The following WWC2 variants were observed in gnomAD, a reference collection of about 807,000 sequenced individuals.
The protein encoded by WWC2 is protein WWC2.
In WWC2, 101 loss-of-function variants were observed where a neutral mutation model predicts 138.5. The ratio of observed to expected loss-of-function variants is 0.73; its 90% CI spans 0.62 to 0.86. WWC2 has a LOEUF of 0.86. Among genes scored for constraint, WWC2 ranks in the 40% least tolerant of loss-of-function variants. The probability of loss-of-function intolerance (pLI) is 0.00; values close to 1 mark genes in which losing one functional copy is unlikely to be tolerated. For synonymous variants in WWC2, 558 were observed against 538.4 expected (o/e 1.04, Z -0.50); for missense variants, 1,420 against 1,419.4 (o/e 1.00, Z -0.01).
chr4:183,134,966 C>G (rs1437807426), intron 1 of WWC2, among the ~76,000 whole-genome samples: 2 of 151,138 alleles, frequency 1.3e-5, no homozygotes, highest in African/African-American at 4.9e-5. Flanking sequence ...GAGTCTTGCT[C>G]TGTTGCCCAG....
At chr4:183,194,156 C>T (rs1449939861) in intron 2 of WWC2, among the ~76,000 whole-genome samples, 6 of 152,136 alleles carry the variant, frequency 3.9e-5, no homozygotes, top group East Asian at 1.9e-4. Flanking sequence ...GAAGACATAG[C>T]GTAGCTGGGA....
intron 1 of WWC2, among the ~76,000 whole-genome samples, chr4:183,155,401 A>G (rs899658975): frequency 1.3e-5 from 2 of 152,128 alleles, no homozygotes; most frequent in African/African-American, 2.4e-5. Flanking sequence ...GAGGCCTTGG[A>G]TATTGAGAGT....
intron 1 of WWC2, among the ~76,000 whole-genome samples, chr4:183,180,906 G>A (rs370024224): frequency 5.5e-4 from 84 of 152,118 alleles, no homozygotes; most frequent in African/African-American, 1.9e-3. Flanking sequence ...TAAGAAAAAG[G>A]TATGGCACGA....
intron 4 of WWC2, among the ~76,000 whole-genome samples, chr4:183,214,428 G>T (rs1381365506): frequency 2.0e-5 from 3 of 152,128 alleles, no homozygotes; most frequent in Admixed American, 1.3e-4. Context: ...GTAATAATGT[G>T]CACATCAAAA....
intron 9 of WWC2, among the ~76,000 whole-genome samples, chr4:183,254,823 AG>A (rs1484633975): frequency 6.6e-6 from 1 of 152,230 alleles, no homozygotes; most frequent in Non-Finnish European, 1.5e-5. Flanking sequence ...TATAATTTCA[AG>A]TGACCTGGAA....
At chr4:183,249,180 G>T (rs1230246174) in intron 7 of WWC2, among the ~76,000 whole-genome samples, 3 of 152,028 alleles carry the variant, frequency 2.0e-5, no homozygotes, top group African/African-American at 7.2e-5. Context: ...GGAAATGTAG[G>T]TCCTTTCAAA....
rs949063290 is a variant in WWC2, at chr4:183,227,547, T to TA, written c.523-12629dup. On this transcript the variant is annotated intron_variant, in intron 4 of 22. Coordinates refer to ENST00000403733, the MANE Select transcript of WWC2 (RefSeq NM_024949.6). ...CCATGTTTAACATGTTTTTAAGAAA[T>TA]AAAAAAAGAGATTGGAAATATAAGT... Among the ~76,000 whole-genome samples, 4 of 151,572 alleles carry TA rather than the reference T, an allele frequency of 2.6e-5. No individual in the cohort carries two copies. The East Asian group carries it at 7.8e-4, about 29-fold the overall frequency.
chr4:183,099,367 T>TGCGCCCC lies in WWC2; in HGVS notation c.-124_-118dup, dbSNP rs1743079504. 1 of 1,024,526 alleles carries TGCGCCCC rather than the reference T, an allele frequency of 9.8e-7. No individual in the cohort carries two copies. 63.5% of individuals were successfully genotyped at this position (1,024,526 alleles called of 1,614,324 possible). A position where few individuals can be genotyped will look rare whatever the true frequency, so the allele number is the denominator to read the frequency against. On this transcript the variant is annotated 5_prime_UTR_variant, in exon 1 of 23. Coordinates refer to ENST00000403733, the MANE Select transcript of WWC2 (RefSeq NM_024949.6). ...CGTGGTTCCGCCGCGCCCCGCGCCCTGCGCCCCTCAGCCCCTCGCCGGCGC... is the reference window on the plus strand; with the variant it reads ...CGTGGTTCCGCCGCGCCCCGCGCCCTGCGCCCCGCGCCCCTCAGCCCCTCGCCGGCGC...
chr4:183,299,020 C>A (rs1026557688), intron 21 of WWC2, among the ~76,000 whole-genome samples: 1 of 152,122 alleles, frequency 6.6e-6, no homozygotes, highest in Non-Finnish European at 1.5e-5. Context: ...TTTTGTGCTG[C>A]TATAACAAAA....
chr4:183,258,217 T>C (rs1737211513), intron 9 of WWC2, among the ~76,000 whole-genome samples: 1 of 152,258 alleles, frequency 6.6e-6, no homozygotes, highest in Non-Finnish European at 1.5e-5. Context: ...TTGTGCACTT[T>C]TAATTCAGTT....
intron 1 of WWC2, among the ~76,000 whole-genome samples, chr4:183,116,375 TTTG>T (rs1412474882): frequency 6.6e-6 from 1 of 152,244 alleles, no homozygotes; most frequent in Non-Finnish European, 1.5e-5. Flanking sequence ...AATGCTCAGC[TTTG>T]TGCAAGCTCT....
At chr4:183,293,032 T>G (rs1738512266) in intron 21 of WWC2, among the ~76,000 whole-genome samples, 2 of 152,234 alleles carry the variant, frequency 1.3e-5, no homozygotes, top group Admixed American at 1.3e-4. Flanking sequence ...CTCGGCTCAC[T>G]GCAGCCTCTG....
At chr4:183,118,631 A>G (rs1732500754) in intron 1 of WWC2, among the ~76,000 whole-genome samples, 1 of 152,252 alleles carries the variant, frequency 6.6e-6, no homozygotes, top group African/African-American at 2.4e-5. Context: ...TTAAAAAGTC[A>G]TCATTTAGCA....
At chr4:183,304,049 T>G (rs1738948158) in intron 21 of WWC2, among the ~76,000 whole-genome samples, 1 of 152,148 alleles carries the variant, frequency 6.6e-6, no homozygotes, top group South Asian at 2.1e-4. Flanking sequence ...AGCTACAGGC[T>G]TCTGGTTTCT....
intron 16 of WWC2, among the ~76,000 whole-genome samples, chr4:183,272,248 G>T (rs1737715729): frequency 6.6e-6 from 1 of 152,146 alleles, no homozygotes; most frequent in Non-Finnish European, 1.5e-5. Flanking sequence ...CACTGTAGTG[G>T]GTGGTGAAAG....
In WWC2 at chr4:183,232,350, G is replaced by T. The variant is rs535056438; in HGVS notation, c.523-7833G>T. Among the ~76,000 whole-genome samples the T allele has an allele frequency of 1.6e-3, 236 of 151,990 alleles. 1 individual carries two copies. The highest frequency in any genetic ancestry group is 2.7e-3 in the Non-Finnish European group (184 of 67,964). On this transcript the variant is annotated intron_variant, in intron 4 of 22. Coordinates refer to ENST00000403733, the MANE Select transcript of WWC2 (RefSeq NM_024949.6). ...CATTCATAGTTACATGCCCATTATT[G>T]CAATCTAACTGTAGGACATTTTTGC...
chr4:183,184,759 T>C (rs1257293638), intron 1 of WWC2, among the ~76,000 whole-genome samples: 2 of 152,174 alleles, frequency 1.3e-5, no homozygotes, highest in Admixed American at 1.3e-4. Flanking sequence ...TGTTACTATT[T>C]TTATATAAGT....
intron 21 of WWC2, among the ~76,000 whole-genome samples, chr4:183,299,695 G>A (rs1215588738): frequency 1.3e-5 from 2 of 152,058 alleles, no homozygotes; most frequent in African/African-American, 4.8e-5. Flanking sequence ...GGGTACACCA[G>A]CACCTGCACA....
chr4:183,220,567 G>A (rs1012693523), intron 4 of WWC2, among the ~76,000 whole-genome samples: 2 of 151,688 alleles, frequency 1.3e-5, no homozygotes, highest in South Asian at 2.1e-4. Flanking sequence ...GGGCGCGGTG[G>A]CTCACGCCTG....
Sources: gnomAD v4.1 joint callset for allele counts (sites outside exome capture counted in the v4.1 genomes callset) on GRCh38, gnomAD v4.1.1 for gene constraint, MANE v1.5 for transcripts, NCBI Gene and HGNC (gene_info 2026-07-23, HGNC 2026-07-21) for gene names.